Variants in SLC13A3 observed in about 807,000 individuals in gnomAD.
The protein encoded by SLC13A3 is solute carrier family 13 member 3, also known as Na(+)/dicarboxylate cotransporter 3.
Under a neutral mutation model 59.0 loss-of-function variants are expected in SLC13A3, and 40 were observed. The ratio of observed to expected loss-of-function variants is 0.68; its 90% CI spans 0.53 to 0.88. The LOEUF is 0.88. SLC13A3 is among the 40% of genes least tolerant of loss of function. The probability of loss-of-function intolerance (pLI) is 0.00; values close to 1 mark genes in which losing one functional copy is unlikely to be tolerated. For missense variants in SLC13A3, 699 were observed against 783.2 expected (o/e 0.89, Z 1.28); for synonymous variants, 317 against 330.3 (o/e 0.96, Z 0.44).
At chr20:46,647,750 G>A (rs1185943162) in intron 1 of SLC13A3, among the ~76,000 whole-genome samples, 1 of 152,172 alleles carries the variant, frequency 6.6e-6, no homozygotes, top group Non-Finnish European at 1.5e-5. Flanking sequence ...ACAGGTGCAT[G>A]AAAACCAACC....
chr20:46,588,144 AAAC>A lies in SLC13A3; in HGVS notation c.1033_1035del (p.Val345del). The A allele has an allele frequency of 6.2e-7, 1 of 1,612,048 alleles. No individual in the cohort carries two copies. Among genetic ancestry groups the A allele is most frequent in the Non-Finnish European group, 8.5e-7 (1 of 1,178,760 alleles). ...ATGGCAAACATGCAGAAAAGGATGAAAACAGCCTGTTCGGCAAACCTGTGGCAC... is the reference window on the plus strand; with the variant it reads ...ATGGCAAACATGCAGAAAAGGATGAAAGCCTGTTCGGCAAACCTGTGGCAC... On this transcript the variant is annotated inframe_deletion, in exon 8 of 13. Transcript: ENST00000279027.
chr20:46,581,011 C>A (rs193138160), intron 9 of SLC13A3, among the ~76,000 whole-genome samples: 144 of 152,346 alleles, frequency 9.5e-4, no homozygotes, highest in African/African-American at 3.4e-3. Flanking sequence ...AGCACTGCCT[C>A]TGAGCTACTA....
intron 1 of SLC13A3, among the ~76,000 whole-genome samples, chr20:46,676,454 C>T (rs1018172756): frequency 3.1e-4 from 46 of 146,890 alleles, no homozygotes; most frequent in African/African-American, 1.2e-3. Context: ...AAGGTTTCAC[C>T]GTGTTGCCCA....
At chr20:46,570,666 T>C (rs951157986) in intron 10 of SLC13A3, among the ~76,000 whole-genome samples, 4 of 152,194 alleles carry the variant, frequency 2.6e-5, no homozygotes, top group African/African-American at 9.7e-5. Context: ...TTCTATTGAA[T>C]GCATATCACT....
intron 9 of SLC13A3, 83 bp downstream of exon 9, chr20:46,583,488 TG>T: frequency 1.3e-6 from 2 of 1,563,060 alleles, no homozygotes; most frequent in Non-Finnish European, 1.7e-6. Flanking sequence ...GTTAGTGCAG[TG>T]GGGGGCTCCA....
intron 4 of SLC13A3, 31 bp from the exon 5 acceptor site, chr20:46,596,373 G>A (rs989582003): frequency 6.2e-7 from 1 of 1,603,658 alleles, no homozygotes; most frequent in Non-Finnish European, 8.5e-7. Flanking sequence ...AAGCCATTCA[G>A]AATACATGGA....
chr20:46,666,739 A>G (rs2063064666), intron 1 of SLC13A3, among the ~76,000 whole-genome samples: 1 of 152,080 alleles, frequency 6.6e-6, no homozygotes, highest in African/African-American at 2.4e-5. Context: ...CCTGGGCTCA[A>G]GCGACCCTCC....
intron 1 of SLC13A3, among the ~76,000 whole-genome samples, chr20:46,639,777 T>G (rs1250610177): frequency 1.3e-5 from 2 of 152,192 alleles, no homozygotes; most frequent in African/African-American, 4.8e-5. Context: ...CCCCACTATT[T>G]TGTCAATGGC....
At position 46,676,411 on chromosome 20, in the gene SLC13A3, C is replaced by CT. The variant is rs543970617; in HGVS notation, c.-31+7984dup. Among the ~76,000 whole-genome samples the CT allele has an allele frequency of 6.8e-3, 734 of 108,502 alleles. 7 individuals are homozygous for CT. Among genetic ancestry groups the CT allele is most frequent in the African/African-American group, 8.6e-3 (218 of 25,280 alleles). The allele number at this position is 108,502 out of a possible 152,430, so 71.2% of individuals were successfully genotyped here. A position where few individuals can be genotyped will look rare whatever the true frequency, so the allele number is the denominator to read the frequency against. Reference sequence around the variant, plus strand: ...ACCAAGGGCAGCCACTCTCTCAACTCTTTTTTTTTTTTTTTTTTTTTTTAG... The same window carrying CT: ...ACCAAGGGCAGCCACTCTCTCAACTCTTTTTTTTTTTTTTTTTTTTTTTTAG... On this transcript the variant is annotated intron_variant, in intron 1 of 6. Transcript: ENST00000372121.
rs1358713146 is a variant in SLC13A3, at chr20:46,603,549, A to G, written c.542-3512T>C. Among the ~76,000 whole-genome samples, 67 of 126,386 alleles carry G rather than the reference A, an allele frequency of 5.3e-4. 1 individual carries two copies. The highest frequency in any genetic ancestry group is 2.1e-3 in the Admixed American group (26 of 12,212). The allele number at this position is 126,386 out of a possible 152,430, so 82.9% of individuals were successfully genotyped here. A position where few individuals can be genotyped will look rare whatever the true frequency, so the allele number is the denominator to read the frequency against. Reference sequence around the variant, plus strand: ...GCCACCATGCCCAGCTAATTGTTGTATTTTTTTTTTTTTTTTTGGTAAAAA... The same window carrying G: ...GCCACCATGCCCAGCTAATTGTTGTGTTTTTTTTTTTTTTTTTGGTAAAAA... On this transcript the variant is annotated intron_variant, in intron 3 of 12. Transcript: ENST00000279027.
chr20:46,562,591 T>C (rs1461707894), intron 12 of SLC13A3, among the ~76,000 whole-genome samples: 5 of 152,172 alleles, frequency 3.3e-5, no homozygotes, highest in Non-Finnish European at 4.4e-5. Context: ...TCTGCTGAAC[T>C]TGTTCACGTC....
upstream of SLC13A3, among the ~76,000 whole-genome samples, chr20:46,654,228 T>C (rs2062969566): frequency 2.0e-5 from 3 of 152,246 alleles, no homozygotes; most frequent in South Asian, 4.1e-4. Flanking sequence ...ATGTGTTTAT[T>C]GGCCATCTGC....
At chr20:46,567,100 G>A (rs1285917204) in intron 10 of SLC13A3, among the ~76,000 whole-genome samples, 1 of 151,988 alleles carries the variant, frequency 6.6e-6, no homozygotes, top group East Asian at 1.9e-4. Context: ...ACTAAGGCAT[G>A]AGAATCGCTT....
intron 1 of SLC13A3, among the ~76,000 whole-genome samples, chr20:46,650,308 A>G (rs879299884): frequency 3.3e-5 from 5 of 152,136 alleles, no homozygotes; most frequent in African/African-American, 4.8e-5. Flanking sequence ...ATACCGACAT[A>G]GTCACTTGCT....
Position 46,588,074 on chromosome 20 carries a change from C to T in SLC13A3, c.1106G>A (p.Ser369Asn), listed in dbSNP as rs758830291. 3.2e-5 allele frequency: 51 copies of T among 1,607,818 alleles called. No homozygotes were observed. Among genetic ancestry groups the T allele is most frequent in the Admixed American group, 8.4e-5 (5 of 59,596 alleles). The change falls in exon 8 of 13, where the codon AGC becomes AAC. Residue 369 changes from serine (S) to asparagine (N), a missense_variant. By Grantham distance (46) the Ser-to-Asn change is conservative. Coordinates refer to ENST00000279027, the MANE Select transcript of SLC13A3 (RefSeq NM_022829.6). ...AGAGTCTCACCCAGGATTGAAGAGG[C>T]TGGCCCAGCCAGGGATGAACTTCGG... ...RDPKFIPGWA[S>N]LFNPGFLSDA...
intron 8 of SLC13A3, chr20:46,585,276 TGTC>T (rs1369774260): frequency 2.0e-5 from 20 of 977,656 alleles, no homozygotes; most frequent in African/African-American, 3.5e-5. Context: ...GTATCTGGAA[TGTC>T]ATACACCAAA....
intron 3 of SLC13A3, among the ~76,000 whole-genome samples, chr20:46,608,261 A>T (rs1231134901): frequency 6.6e-6 from 1 of 152,210 alleles, no homozygotes; most frequent in Non-Finnish European, 1.5e-5. Flanking sequence ...ATATTTCCTG[A>T]TACAAAAATT....
intron 1 of SLC13A3, among the ~76,000 whole-genome samples, chr20:46,679,210 A>G (rs2122950266): frequency 6.6e-6 from 1 of 152,324 alleles, no homozygotes; most frequent in South Asian, 2.1e-4. Context: ...TCCTGAGATG[A>G]AGCTATCTTC....
intron 1 of SLC13A3, 143 bp downstream of exon 1, chr20:46,651,168 C>T (rs1017413460): frequency 7.6e-7 from 1 of 1,314,156 alleles, no homozygotes; most frequent in Non-Finnish European, 9.7e-7. Context: ...CAGCGGTCCG[C>T]GGCAGGTGCA....
Sources: allele counts gnomAD v4.1 joint callset (sites outside exome capture counted in the v4.1 genomes callset), GRCh38; gene constraint gnomAD v4.1.1; transcripts MANE v1.5; gene names NCBI Gene and HGNC (gene_info 2026-07-23, HGNC 2026-07-21).